The following IFT80 variants were observed in gnomAD, a reference collection of about 807,000 sequenced individuals.
IFT80 encodes the protein intraflagellar transport protein 80 homolog.
IFT80 carries 79 observed loss-of-function variants against 107.9 expected under a neutral mutation model. The observed-to-expected ratio is 0.73, with a 90% CI of 0.61 to 0.88. The LOEUF (loss-of-function observed/expected upper bound fraction) is 0.88, where lower values mean the gene tolerates loss of function less well. Ranked by LOEUF, IFT80 falls within the 40% of genes least tolerant of loss-of-function variation. The probability of loss-of-function intolerance (pLI) is 0.00; values close to 1 mark genes in which losing one functional copy is unlikely to be tolerated. For synonymous variants in IFT80, 299 were observed against 300.9 expected (o/e 0.99, Z 0.07); for missense variants, 797 against 914.2 (o/e 0.87, Z 1.65).
intron 12 of IFT80, among the ~76,000 whole-genome samples, chr3:160,287,373 T>C (rs1715172080): frequency 6.6e-6 from 1 of 152,198 alleles, no homozygotes; most frequent in Non-Finnish European, 1.5e-5. Flanking sequence ...GGCTGTCATC[T>C]GAAATAGGAG....
intron 9 of IFT80, among the ~76,000 whole-genome samples, chr3:160,311,835 G>C (rs1422239476): frequency 6.6e-6 from 1 of 152,154 alleles, no homozygotes; most frequent in Non-Finnish European, 1.5e-5. Context: ...GGAGTGCAAT[G>C]GCGTGATATG....
rs1553766638 is a variant in IFT80, at chr3:160,381,266, T to TATATATATATATATATATATATATA, written c.259+236_259+237insTATATATATATATATATATATATAT. On this transcript the variant is annotated intron_variant, in intron 3 of 19. Coordinates refer to ENST00000326448, the MANE Select transcript of IFT80 (RefSeq NM_020800.3). ...TATATATATATATATATATATATAT[T>TATATATATATATATATATATATATA]AAAGCCAAAGACCCATATTCAATCC... Among the ~76,000 whole-genome samples the TATATATATATATATATATATATATA allele has an allele frequency of 5.2e-4, 37 of 70,660 alleles. 1 individual carries two copies. Among genetic ancestry groups the TATATATATATATATATATATATATA allele is most frequent in the South Asian group, 1.6e-3 (4 of 2,566 alleles). 46.4% of individuals were successfully genotyped at this position (70,660 alleles called of 152,430 possible). A position where few individuals can be genotyped will look rare whatever the true frequency, so the allele number is the denominator to read the frequency against.
rs148926415 is a variant in IFT80, at chr3:160,319,837, C to T, written c.880G>A (p.Val294Ile). The T allele has an allele frequency of 5.0e-4, 801 of 1,612,956 alleles. 5 individuals carry two copies. The African/African-American group carries it at 6.7e-3, about 13-fold the overall frequency. ...TGTTGTTCCACCACATGTGCAAAAACGACATGTCCATTTCCACAGGCTCCA... is the reference window on the plus strand; with the variant it reads ...TGTTGTTCCACCACATGTGCAAAAATGACATGTCCATTTCCACAGGCTCCA... ...IAGACGNGHV[V>I]FAHVVEQHWE... Residue 294 changes from valine to isoleucine, a missense_variant, in exon 9 of 20, where the codon GTT becomes ATT. By Grantham distance (29) the Val-to-Ile change is conservative (BLOSUM62 3). Transcript: ENST00000326448.
At chr3:160,347,143 C>G (rs915605375) in intron 8 of IFT80, among the ~76,000 whole-genome samples, 1 of 152,110 alleles carries the variant, frequency 6.6e-6, no homozygotes, top group Admixed American at 6.5e-5. Flanking sequence ...CCCCACTGCA[C>G]CACCCAATAC....
intron 8 of IFT80, among the ~76,000 whole-genome samples, chr3:160,350,415 C>CAA (rs60135065): frequency 8.6e-6 from 1 of 116,286 alleles, no homozygotes. Flanking sequence ...GACTCTGTCT[C>CAA]AAAAAAAAAA....
At chr3:160,276,673 T>C (rs149573073) in intron 18 of IFT80, among the ~76,000 whole-genome samples, 5 of 152,348 alleles carry the variant, frequency 3.3e-5, no homozygotes, top group African/African-American at 1.2e-4. Flanking sequence ...GAGAGCCTAA[T>C]GTAAGGCTGT....
At chr3:160,345,517 G>A (rs1325406274) in intron 8 of IFT80, among the ~76,000 whole-genome samples, 11 of 151,952 alleles carry the variant, frequency 7.2e-5, no homozygotes, top group African/African-American at 2.2e-4. Flanking sequence ...GTGAAATCCA[G>A]TCTCTACTAA....
At chr3:160,280,618 T>TAGGA in intron 15 of IFT80, 49 bp downstream of exon 15, 3 of 1,493,054 alleles carry the variant, frequency 2.0e-6, no homozygotes, top group Non-Finnish European at 2.8e-6. Context: ...TGATACTCTA[T>TAGGA]TAGAGTTTTA....
At chr3:160,383,686 A>C in intron 2 of IFT80, 1 of 985,368 alleles carries the variant, frequency 1.0e-6, no homozygotes, top group Non-Finnish European at 1.2e-6. Context: ...CTTTGAGCAG[A>C]ATTAGTCTAA....
intron 9 of IFT80, among the ~76,000 whole-genome samples, chr3:160,313,057 T>C (rs1363535524): frequency 2.0e-5 from 2 of 101,076 alleles, no homozygotes; most frequent in African/African-American, 3.8e-5. Flanking sequence ...ATAATAAATA[T>C]AATATATATT....
rs781578119 is a variant in IFT80, at chr3:160,300,916, TATC to T, written c.1279_1281del (p.Asp427del). ...TCAGCTTTGTCTCTTATTGCTATGG[TATC>T]ATTACTCAAAGACACAGTCTGTGCA... On this transcript the variant is annotated inframe_deletion, in exon 12 of 20. Coordinates refer to ENST00000326448, the MANE Select transcript of IFT80 (RefSeq NM_020800.3). 2 of 1,609,682 alleles carry T rather than the reference TATC, an allele frequency of 1.2e-6. No homozygotes were observed. Among genetic ancestry groups the T allele is most frequent in the Non-Finnish European group, 1.7e-6 (2 of 1,177,864 alleles).
chr3:160,271,935 T>A (rs1713841664), intron 18 of IFT80, among the ~76,000 whole-genome samples: 1 of 144,374 alleles, frequency 6.9e-6, no homozygotes, highest in Non-Finnish European at 1.6e-5. Context: ...TATAATGAAG[T>A]CTTATCAAAA....
At chr3:160,381,803 G>A (rs1225487263) in intron 2 of IFT80, 79 bp from the exon 3 acceptor site, 2 of 1,172,838 alleles carry the variant, frequency 1.7e-6, no homozygotes, top group South Asian at 2.5e-5. Context: ...AGATTATAAG[G>A]TATAAGTAAA....
intron 10 of IFT80, among the ~76,000 whole-genome samples, chr3:160,306,725 G>A (rs1042120692): frequency 6.6e-6 from 1 of 152,134 alleles, no homozygotes; most frequent in African/African-American, 2.4e-5. Flanking sequence ...CATAATGAAT[G>A]GGAATTTTTA....
At chr3:160,380,070 G>C (rs1347502384) in intron 3 of IFT80, among the ~76,000 whole-genome samples, 1 of 138,690 alleles carries the variant, frequency 7.2e-6, no homozygotes, top group Non-Finnish European at 1.5e-5. Flanking sequence ...GTCTTGCTCT[G>C]TGCCCAGGAT....
intron 1 of IFT80, among the ~76,000 whole-genome samples, chr3:160,386,957 C>T (rs1386586821): frequency 2.6e-5 from 4 of 151,924 alleles, no homozygotes; most frequent in African/African-American, 9.7e-5. Context: ...AAGTTATGAG[C>T]AAATAAGCAA....
chr3:160,373,600 A>T (rs1424906146), intron 5 of IFT80: 1 of 162,514 alleles, frequency 6.2e-6, no homozygotes, highest in African/African-American at 2.4e-5. Flanking sequence ...ATAATGAAAT[A>T]ATTATACAAC....
intron 6 of IFT80, among the ~76,000 whole-genome samples, chr3:160,363,272 A>G (rs1721630185): frequency 6.6e-6 from 1 of 152,190 alleles, no homozygotes; most frequent in African/African-American, 2.4e-5. Context: ...CAATTGCTAC[A>G]CAGATACTAA....
chr3:160,260,715 C>G (rs1712758239), intron 19 of IFT80, among the ~76,000 whole-genome samples: 2 of 152,284 alleles, frequency 1.3e-5, no homozygotes, highest in East Asian at 3.9e-4. Flanking sequence ...GATTTCTACA[C>G]TAAAATCCAT....
Sources: allele counts gnomAD v4.1 joint callset (sites outside exome capture counted in the v4.1 genomes callset), GRCh38; gene constraint gnomAD v4.1.1; transcripts MANE v1.5; gene names NCBI Gene and HGNC (gene_info 2026-07-23, HGNC 2026-07-21).